Variants in MTAP observed in about 807,000 individuals in gnomAD.
MTAP encodes methylthioadenosine phosphorylase.
A neutral mutation model predicts 33.6 loss-of-function variants in MTAP; 33 were observed. The ratio of observed to expected loss-of-function variants is 0.98; its 90% CI spans 0.74 to 1.31. MTAP has a LOEUF of 1.31. Ranked by LOEUF, MTAP falls within the 40% of genes most tolerant of loss-of-function variation. The probability of loss-of-function intolerance (pLI) is 0.00; values close to 1 mark genes in which losing one functional copy is unlikely to be tolerated. For missense variants in MTAP, 367 were observed against 360.0 expected, an observed-to-expected ratio of 1.02 and a Z score of -0.16; for synonymous variants, 148 against 125.7, an observed-to-expected ratio of 1.18 and a Z score of -1.19.
At chr9:21,892,510 A>AC (rs1818216088) in intron 1 of MTAP, 1 of 152,132 alleles carries the variant, frequency 6.6e-6, no homozygotes, top group Admixed American at 6.5e-5. Flanking sequence ...ACCAACAATG[A>AC]TAAAAAAAGA....
intron 1 of MTAP, 61 bp from the exon 2 acceptor site, chr9:21,815,372 A>G (rs990569011): frequency 2.2e-5 from 26 of 1,187,030 alleles, no homozygotes; most frequent in African/African-American, 3.1e-5. Context: ...ATTTGCTTAG[A>G]ATCTTATTTC....
At chr9:21,928,924 T>C (rs1818910133) in intron 1 of MTAP, among the ~76,000 whole-genome samples, 1 of 151,848 alleles carries the variant, frequency 6.6e-6, no homozygotes, top group Non-Finnish European at 1.5e-5. Context: ...AGTATGTTTC[T>C]TCTTTAGCAG....
chr9:21,926,188 C>A (rs1818866709), intron 1 of MTAP, among the ~76,000 whole-genome samples: 1 of 152,190 alleles, frequency 6.6e-6, no homozygotes, highest in African/African-American at 2.4e-5. Context: ...TATAGTAACT[C>A]AGCTCATGGA....
intron 1 of MTAP, among the ~76,000 whole-genome samples, chr9:21,897,967 C>T (rs969681125): frequency 1.9e-4 from 29 of 152,266 alleles, no homozygotes; most frequent in Non-Finnish European, 3.2e-4. Flanking sequence ...CATCACACTA[C>T]CTGACTTCAA....
At chr9:21,818,912 C>T (rs1283715046) in intron 4 of MTAP, among the ~76,000 whole-genome samples, 1 of 152,166 alleles carries the variant, frequency 6.6e-6, no homozygotes, top group East Asian at 1.9e-4. Context: ...CTTTGATCAA[C>T]GTCTCCCCAA....
rs371627007 is a variant in MTAP at position 21,837,952 on chromosome 9, G to T, written c.392G>T (p.Cys131Phe). The change falls in exon 5 of 8, where the codon TGT becomes TTT. Residue 131 changes from cysteine (C) to phenylalanine (F), a missense_variant. Coordinates refer to ENST00000644715, the MANE Select transcript of MTAP (RefSeq NM_002451.4). ...PQSFYDGSHS[C>F]ARGVCHIPMA... is the part of the protein sequence containing the mutation. ...TCCTTCTATGATGGAAGTCATTCTT[G>T]TGCCAGAGGAGTGTGCCATATTCCA... 1.2e-6 allele frequency: 2 copies of T among 1,614,148 alleles called. No homozygotes were observed. The highest frequency in any genetic ancestry group is 1.7e-6 in the Non-Finnish European group (2 of 1,180,002).
At chr9:21,841,695 A>T (rs1825249176) in intron 5 of MTAP, among the ~76,000 whole-genome samples, 1 of 152,246 alleles carries the variant, frequency 6.6e-6, no homozygotes, top group Non-Finnish European at 1.5e-5. Flanking sequence ...ACTGCAGTCC[A>T]GCTCTCAGGA....
intron 4 of MTAP, among the ~76,000 whole-genome samples, chr9:21,825,175 C>T (rs1194561962): frequency 6.6e-6 from 1 of 152,170 alleles, no homozygotes; most frequent in Non-Finnish European, 1.5e-5. Flanking sequence ...ACAGAAATCA[C>T]CTGTCTTCTG....
intron 1 of MTAP, among the ~76,000 whole-genome samples, chr9:21,896,512 A>G (rs1337206211): frequency 6.6e-6 from 1 of 152,168 alleles, no homozygotes; most frequent in Non-Finnish European, 1.5e-5. Context: ...AGAAGAAAAG[A>G]GAGAAGATTC....
At chr9:21,803,588 G>C (rs559054751) in intron 1 of MTAP, among the ~76,000 whole-genome samples, 35 of 152,196 alleles carry the variant, frequency 2.3e-4, no homozygotes, top group Non-Finnish European at 2.9e-4. Flanking sequence ...CACGAGTTCT[G>C]AGAGTAGCAG....
At chr9:21,868,321 G>A (rs564372901), downstream of MTAP, among the ~76,000 whole-genome samples, 3 of 152,308 alleles carry the variant, frequency 2.0e-5, no homozygotes, top group South Asian at 2.1e-4. Context: ...CCAGTTCTGG[G>A]CACAATGCTT....
At chr9:21,841,015 T>G (rs1825229958) in intron 5 of MTAP, among the ~76,000 whole-genome samples, 1 of 151,976 alleles carries the variant, frequency 6.6e-6, no homozygotes, top group South Asian at 2.1e-4. Context: ...GCAGAGGCAG[T>G]CAAGATCTCC....
chr9:21,901,950 T>C (rs1563864737), intron 1 of MTAP, among the ~76,000 whole-genome samples: 1 of 152,160 alleles, frequency 6.6e-6, no homozygotes, highest in East Asian at 1.9e-4. Context: ...ATATGACAAA[T>C]GTTACAGTGT....
chr9:21,838,996 C>G (rs1825178020), intron 5 of MTAP, among the ~76,000 whole-genome samples: 1 of 152,072 alleles, frequency 6.6e-6, no homozygotes, highest in Non-Finnish European at 1.5e-5. Context: ...CACAGAAAAC[C>G]CATTTCCTTA....
chr9:21,811,312 A>G (rs1481813271), intron 1 of MTAP, among the ~76,000 whole-genome samples: 1 of 152,208 alleles, frequency 6.6e-6, no homozygotes. Flanking sequence ...GAAGAAATAG[A>G]CAGAGTAGGG....
At chr9:21,848,257 G>A (rs997603587) in intron 5 of MTAP, among the ~76,000 whole-genome samples, 4 of 152,164 alleles carry the variant, frequency 2.6e-5, no homozygotes, top group Non-Finnish European at 5.9e-5. Flanking sequence ...GGCCCCTAGA[G>A]GTGAGGTTGA....
At chr9:21,842,578 A>G (rs1421242671) in intron 5 of MTAP, among the ~76,000 whole-genome samples, 1 of 152,226 alleles carries the variant, frequency 6.6e-6, no homozygotes, top group Admixed American at 6.5e-5. Context: ...TACAAGCCAG[A>G]AGCCAGAAGG....
chr9:21,895,929 ACT>A (rs1400592690), intron 1 of MTAP, among the ~76,000 whole-genome samples: 1 of 152,054 alleles, frequency 6.6e-6, no homozygotes, highest in African/African-American at 2.4e-5. Context: ...CATCTACAGA[ACT>A]CTCCACCCCA....
intron 1 of MTAP, among the ~76,000 whole-genome samples, chr9:21,887,942 GGATA>G (rs1160812789): frequency 6.6e-6 from 1 of 152,064 alleles, no homozygotes; most frequent in Non-Finnish European, 1.5e-5. Context: ...GTCACTGTTG[GGATA>G]TAGCAGTACT....
Sources: gnomAD v4.1 joint callset for allele counts (sites outside exome capture counted in the v4.1 genomes callset) on GRCh38, gnomAD v4.1.1 for gene constraint, MANE v1.5 for transcripts, NCBI Gene and HGNC (gene_info 2026-07-23, HGNC 2026-07-21) for gene names.